The following SACS variants were observed in gnomAD, a reference collection of about 807,000 sequenced individuals.
SACS encodes the protein sacsin.
A neutral mutation model predicts 348.0 loss-of-function variants in SACS; 197 were observed. That is an observed-to-expected ratio of 0.57 (90% confidence interval 0.50 to 0.64). SACS has a LOEUF of 0.64. Among genes scored for constraint, SACS ranks in the 30% least tolerant of loss-of-function variants. SACS has a pLI of 0.00. For synonymous variants in SACS, 1,985 were observed against 1,910.6 expected (o/e 1.04, Z -1.02); for missense variants, 4,999 against 5,360.8 (o/e 0.93, Z 2.11).
intron 2 of SACS, among the ~76,000 whole-genome samples, chr13:23,377,109 A>C (rs1179818542): frequency 6.6e-6 from 1 of 152,126 alleles, no homozygotes; most frequent in Non-Finnish European, 1.5e-5. Flanking sequence ...CATAGACAGA[A>C]AGTAGATTAG....
intron 9 of SACS, among the ~76,000 whole-genome samples, chr13:23,350,230 TG>T (rs1311376107): frequency 6.6e-6 from 1 of 152,118 alleles, no homozygotes; most frequent in Non-Finnish European, 1.5e-5. Flanking sequence ...ACTATTTTAG[TG>T]GAATGACAGT....
At chr13:23,349,757 A>G (rs1869835720) in intron 9 of SACS, among the ~76,000 whole-genome samples, 1 of 152,190 alleles carries the variant, frequency 6.6e-6, no homozygotes, top group African/African-American at 2.4e-5. Flanking sequence ...GTACTGTATT[A>G]CCATGTTACT....
At chr13:23,371,191 T>A (rs1328583560) in intron 3 of SACS, 26 bp from the exon 4 acceptor site, 6 of 1,467,080 alleles carry the variant, frequency 4.1e-6, no homozygotes, top group Non-Finnish European at 4.8e-6. Context: ...AGAAAATGTA[T>A]GAAAAGCAAT....
At chr13:23,370,348 A>C (rs1593157331) in intron 4 of SACS, among the ~76,000 whole-genome samples, 1 of 152,238 alleles carries the variant, frequency 6.6e-6, no homozygotes, top group Non-Finnish European at 1.5e-5. Context: ...TTTGGAGATA[A>C]GTACGTACCA....
Position 23,333,749 on chromosome 13 carries a change from G to A in SACS, c.10127C>T (p.Ala3376Val). 6.2e-7 allele frequency: 1 copy of A among 1,613,780 alleles called. No individual in the cohort carries two copies. Among genetic ancestry groups the A allele is most frequent in the Non-Finnish European group, 8.5e-7 (1 of 1,179,778 alleles). Residue 3376 changes from alanine (A) to valine (V), a missense_variant, in exon 10 of 10, where the codon GCA (alanine) becomes GTA (valine). Coordinates refer to ENST00000382292, the MANE Select transcript of SACS (RefSeq NM_014363.6). ...HYMVQTSTFR[A>V]EKLVENDFEA... ...AAAATCATTTTCTACTAATTTTTCTGCTCTAAATGTTGAAGTTTGGACCAT... is the reference window on the plus strand; with the variant it reads ...AAAATCATTTTCTACTAATTTTTCTACTCTAAATGTTGAAGTTTGGACCAT...
intron 7 of SACS, among the ~76,000 whole-genome samples, chr13:23,357,664 A>G (rs927250266): frequency 2.0e-5 from 3 of 152,204 alleles, no homozygotes; most frequent in African/African-American, 7.2e-5. Context: ...ATTTTTTATC[A>G]CAAAACTATA....
At position 23,353,766 on chromosome 13, in the gene SACS, G is replaced by A; in HGVS notation, c.2185+19C>T. On this transcript the variant is annotated intron_variant, in intron 9 of 9. Transcript: ENST00000382292. ...TTTTTATATAGAAGTTTATTTAAAA[G>A]AATACTAAACTATAATACCTCGGGT... The A allele has an allele frequency of 7.2e-7, 1 of 1,397,292 alleles. No individual in the cohort carries two copies. Among genetic ancestry groups the A allele is most frequent in the Non-Finnish European group, 1.0e-6 (1 of 992,346 alleles). 86.6% of individuals were successfully genotyped at this position (1,397,292 alleles called of 1,614,324 possible).
intron 2 of SACS, among the ~76,000 whole-genome samples, chr13:23,385,141 C>A (rs372263831): frequency 6.3e-4 from 85 of 135,146 alleles, no homozygotes; most frequent in South Asian, 1.4e-3. Context: ...GACTCTGTCT[C>A]AAAAAAAAAA....
rs1308510156 is a variant in SACS at position 23,329,037 on chromosome 13, A to G, written c.*1099T>C. 5.9e-6 allele frequency: 1 copy of G among 169,778 alleles called. No homozygotes were observed. The highest frequency in any genetic ancestry group is 1.2e-5 in the Non-Finnish European group (1 of 80,188). 10.5% of individuals were successfully genotyped at this position (169,778 alleles called of 1,614,324 possible). On this transcript the variant is annotated 3_prime_UTR_variant, in exon 10 of 10. Transcript: ENST00000382292. The stretch of plus-strand genomic sequence containing the variant: ...TCATTTACAGCCAGTACACTTATAT[A>G]AACTAATTATCATTACCTTTTACAT...
chr13:23,393,846 C>T (rs1872618071), intron 2 of SACS, among the ~76,000 whole-genome samples: 3 of 152,102 alleles, frequency 2.0e-5, no homozygotes, highest in African/African-American at 4.8e-5. Flanking sequence ...CTGCAAGCTC[C>T]GCCTCCTGGG....
At chr13:23,352,427 C>T (rs999169158) in intron 9 of SACS, among the ~76,000 whole-genome samples, 2 of 152,128 alleles carry the variant, frequency 1.3e-5, no homozygotes, top group African/African-American at 4.8e-5. Flanking sequence ...GTCATGGCTA[C>T]CCTGGAATGG....
At position 23,365,415 on chromosome 13, in the gene SACS, T is replaced by C. The variant is rs1871004336; in HGVS notation, c.346-138A>G. On this transcript the variant is annotated intron_variant, in intron 5 of 9. Coordinates refer to ENST00000382292, the MANE Select transcript of SACS (RefSeq NM_014363.6). The stretch of plus-strand genomic sequence containing the variant: ...ACTATTTGCAACATTACCTTTAAGA[T>C]CTGGTGAGGCTACTACTGAAAGTAA... The C allele has an allele frequency of 2.0e-5, 12 of 606,662 alleles. No individual in the cohort carries two copies. In the South Asian group the frequency reaches 2.4e-4, roughly 12 times the overall value. 37.6% of individuals were successfully genotyped at this position (606,662 alleles called of 1,614,324 possible). A position where few individuals can be genotyped will look rare whatever the true frequency, so the allele number is the denominator to read the frequency against.
At chr13:23,366,068 G>A (rs1261626490) in intron 5 of SACS, among the ~76,000 whole-genome samples, 2 of 152,142 alleles carry the variant, frequency 1.3e-5, no homozygotes, top group South Asian at 4.1e-4. Flanking sequence ...TCAAGAATCA[G>A]CTCCTAGATC....
intron 9 of SACS, among the ~76,000 whole-genome samples, chr13:23,342,142 G>A (rs1156575373): frequency 6.6e-6 from 1 of 151,754 alleles, no homozygotes; most frequent in Admixed American, 6.6e-5. Flanking sequence ...AGCAAAACTG[G>A]GCTAAAATAA....
rs1285859028 is a variant in SACS, at chr13:23,332,073, G to A, written c.11803C>T (p.Gln3935Ter). ...AACATTTGCACACCAATATTCCCCTGGATTCTACTTTTATAATGTGGCGCA... is the reference window on the plus strand; with the variant it reads ...AACATTTGCACACCAATATTCCCCTAGATTCTACTTTTATAATGTGGCGCA... ...DDAPHYKSRI[Q>*]GNIGVQMLVD... The change falls in exon 10 of 10, where the codon CAG (glutamine) becomes TAG (stop). Residue 3935 changes from glutamine to a stop codon, truncating the protein, a stop_gained. Transcript: ENST00000382292. LOFTEE classifies it high-confidence loss of function. The A allele has an allele frequency of 6.2e-7, 1 of 1,613,830 alleles. No homozygotes were observed. The highest frequency in any genetic ancestry group is 1.3e-5 in the African/African-American group (1 of 74,860).
In SACS at chr13:23,411,358, A is replaced by G. The variant is rs1873474302; in HGVS notation, c.-119T>C. 2.1e-6 allele frequency: 2 copies of G among 935,654 alleles called. No homozygotes were observed. 58.0% of individuals were successfully genotyped at this position (935,654 alleles called of 1,614,324 possible). A position where few individuals can be genotyped will look rare whatever the true frequency, so the allele number is the denominator to read the frequency against. On this transcript the variant is annotated 5_prime_UTR_variant, in exon 2 of 10. Transcript: ENST00000382292. ...TACTCCAAGTTCAGCTCTTCCTGCC[A>G]GGTGGAAAAAAAGCCTGTTTTTCCC...
chr13:23,414,648 G>GT (rs1191418664), intron 1 of SACS, among the ~76,000 whole-genome samples: 1 of 152,206 alleles, frequency 6.6e-6, no homozygotes, highest in African/African-American at 2.4e-5. Flanking sequence ...ATAGAGCTCT[G>GT]TGGCAAATTA....
At chr13:23,432,959 G>A (rs915095482) in intron 1 of SACS, among the ~76,000 whole-genome samples, 5 of 152,188 alleles carry the variant, frequency 3.3e-5, no homozygotes, top group African/African-American at 4.8e-5. Flanking sequence ...AAAAGACAGC[G>A]AGAGAGAGGT....
intron 1 of SACS, among the ~76,000 whole-genome samples, chr13:23,420,704 C>T (rs1018502717): frequency 5.9e-5 from 9 of 151,888 alleles, no homozygotes; most frequent in Admixed American, 3.3e-4. Context: ...GAGTGTTTCC[C>T]GGTGCCTGAG....
Sources: allele counts gnomAD v4.1 joint callset (sites outside exome capture counted in the v4.1 genomes callset), GRCh38; gene constraint gnomAD v4.1.1; transcripts MANE v1.5; gene names NCBI Gene and HGNC (gene_info 2026-07-23, HGNC 2026-07-21).